Variants in ADGRD1 observed in about 807,000 individuals in gnomAD.
ADGRD1 encodes G-protein coupled receptor 133.
In ADGRD1, 77 loss-of-function variants were observed where a neutral mutation model predicts 113.4. The ratio of observed to expected loss-of-function variants is 0.68; its 90% confidence interval spans 0.57 to 0.82. The LOEUF is 0.82. Among genes scored for constraint, ADGRD1 ranks in the 40% least tolerant of loss-of-function variants. The probability of loss-of-function intolerance (pLI) is 0.00; values close to 1 mark genes in which losing one functional copy is unlikely to be tolerated. For synonymous variants in ADGRD1, 474 were observed against 475.0 expected (o/e 1.00, Z 0.03); for missense variants, 1,036 against 1,139.1 (o/e 0.91, Z 1.30).
intron 13 of ADGRD1, chr12:131,030,669 C>T (rs1173568952): frequency 6.6e-6 from 1 of 152,286 alleles, no homozygotes; most frequent in Non-Finnish European, 1.5e-5. Flanking sequence ...GAATAGTAGC[C>T]TGCCCACCTC....
At chr12:131,051,361 A>T (rs1273371944) in intron 13 of ADGRD1, among the ~76,000 whole-genome samples, 1 of 152,226 alleles carries the variant, frequency 6.6e-6, no homozygotes, top group Non-Finnish European at 1.5e-5. Flanking sequence ...TTGTATTCAA[A>T]TGGTAATTTT....
intron 13 of ADGRD1, among the ~76,000 whole-genome samples, chr12:131,028,946 C>G (rs759208381): frequency 5.3e-5 from 8 of 152,320 alleles, no homozygotes; most frequent in South Asian, 2.1e-4. Context: ...TCAGAAAGGT[C>G]GTAACCATTT....
rs954427938 is a variant in ADGRD1 at position 131,057,495 on chromosome 12, A to G, written c.1474-19306A>G. On this transcript the variant is annotated intron_variant, in intron 13 of 24. Coordinates refer to ENST00000261654, the MANE Select transcript of ADGRD1 (RefSeq NM_198827.5). The surrounding 1 kb of genome is among the most constrained non-coding windows in gnomAD (Gnocchi z 4.2). ...ACGAGTCTGAGACAAAGGCGTTGGC[A>G]GAGCTAGTTCGTTCTGGAGGCTCAG... 6.6e-6 allele frequency among the ~76,000 whole-genome samples: 1 copy of G among 152,124 alleles called. No individual in the cohort carries two copies. Among genetic ancestry groups the G allele is most frequent in the Non-Finnish European group, 1.5e-5 (1 of 68,036 alleles).
chr12:131,029,542 T>TAA lies in ADGRD1; in HGVS notation c.1473+15202_1473+15203insAA, dbSNP rs1238130835. ...TGGGATTAGGTTGTGGACCCCTCGT[T>TAA]CGGTGACATTCCCAGGCTCTGGGGT... On this transcript the variant is annotated intron_variant, in intron 13 of 24. Transcript: ENST00000261654. Among the ~76,000 whole-genome samples, 11 of 141,680 alleles carry TAA rather than the reference T, an allele frequency of 7.8e-5. No homozygotes were observed. The East Asian group carries it at 2.2e-3, about 28-fold the overall frequency. 92.9% of individuals were successfully genotyped at this position (141,680 alleles called of 152,430 possible). A position where few individuals can be genotyped will look rare whatever the true frequency, so the allele number is the denominator to read the frequency against.
chr12:131,034,190 C>T (rs552997827), intron 13 of ADGRD1, among the ~76,000 whole-genome samples: 2 of 152,354 alleles, frequency 1.3e-5, no homozygotes, highest in Admixed American at 6.5e-5. Context: ...TTCCCCTGCC[C>T]ACCCTGCCGC....
At chr12:130,992,120 CAAAAA>C (rs5801945) in intron 7 of ADGRD1, 112 bp from the exon 8 acceptor site, 459 of 655,830 alleles carry the variant, frequency 7.0e-4, no homozygotes, top group South Asian at 9.6e-4. Flanking sequence ...GACTCAGTCT[CAAAAA>C]AAAAAAAAAA....
Position 131,089,307 on chromosome 12 carries a change from TG to T in ADGRD1, c.1671+4647del, listed in dbSNP as rs1424069736. ...AAAAGGAGCCCGAACCAAGGGCCAG[TG>T]GGCGGGGCTTCTGGACACAGGCATT... is the stretch of plus-strand genomic sequence containing the variant. On this transcript the variant is annotated intron_variant, in intron 15 of 24. Coordinates refer to ENST00000261654, the MANE Select transcript of ADGRD1 (RefSeq NM_198827.5). Among the ~76,000 whole-genome samples, 35 of 152,308 alleles carry T rather than the reference TG, an allele frequency of 2.3e-4. 1 individual carries two copies. The East Asian group carries it at 5.6e-3, about 24-fold the overall frequency.
intron 13 of ADGRD1, among the ~76,000 whole-genome samples, chr12:131,034,807 T>C (rs960087447): frequency 9.9e-5 from 15 of 152,110 alleles, no homozygotes; most frequent in African/African-American, 3.4e-4. Context: ...CCTGGTCACG[T>C]CACCTTGGAA....
intron 13 of ADGRD1, among the ~76,000 whole-genome samples, chr12:131,036,175 C>T (rs1881346850): frequency 6.6e-6 from 1 of 152,110 alleles, no homozygotes; most frequent in East Asian, 1.9e-4. Flanking sequence ...GTTGTACTCA[C>T]TGGAGGGGGT....
chr12:131,055,734 A>G (rs1883810492), intron 13 of ADGRD1, among the ~76,000 whole-genome samples: 1 of 152,226 alleles, frequency 6.6e-6, no homozygotes, highest in Non-Finnish European at 1.5e-5. Context: ...GACGAACAGA[A>G]ATATGAACGA....
At chr12:131,132,215 G>T (rs973601173) in intron 21 of ADGRD1, among the ~76,000 whole-genome samples, 1 of 152,130 alleles carries the variant, frequency 6.6e-6, no homozygotes, top group Non-Finnish European at 1.5e-5. Context: ...CCTTCCTCAC[G>T]TGCAGAACGG....
intron 13 of ADGRD1, chr12:131,070,700 C>T (rs1477656482): frequency 7.0e-6 from 3 of 427,052 alleles, no homozygotes; most frequent in African/African-American, 2.0e-5. Flanking sequence ...GAGATGAGGG[C>T]GTGTCCATCA....
At chr12:131,102,678 G>T (rs1342793489) in intron 15 of ADGRD1, among the ~76,000 whole-genome samples, 1 of 152,194 alleles carries the variant, frequency 6.6e-6, no homozygotes, top group Non-Finnish European at 1.5e-5. Context: ...AGCCAAGATG[G>T]AGGCACACAC....
chr12:130,999,090 C>T (rs1875998964), intron 8 of ADGRD1, among the ~76,000 whole-genome samples: 1 of 152,184 alleles, frequency 6.6e-6, no homozygotes, highest in African/African-American at 2.4e-5. Flanking sequence ...GTGCTTGCTG[C>T]TAGAAAATTT....
In ADGRD1 at chr12:131,084,763, T is replaced by G; in HGVS notation, c.1671+100T>G. ...TTTGCCCGCCAGTGCCCACGGGCCC[T>G]GGGCACATTACTCCATGGGGCCTGT... On this transcript the variant is annotated intron_variant, in intron 15 of 24. Coordinates refer to ENST00000261654, the MANE Select transcript of ADGRD1 (RefSeq NM_198827.5). The surrounding 1 kb of genome is among the most constrained non-coding windows in gnomAD (Gnocchi z 4.5). The G allele has an allele frequency of 7.9e-7, 1 of 1,265,708 alleles. No individual in the cohort carries two copies. The highest frequency in any genetic ancestry group is 1.1e-6 in the Non-Finnish European group (1 of 894,066). 78.4% of individuals were successfully genotyped at this position (1,265,708 alleles called of 1,614,324 possible). A position where few individuals can be genotyped will look rare whatever the true frequency, so the allele number is the denominator to read the frequency against.
intron 13 of ADGRD1, among the ~76,000 whole-genome samples, chr12:131,048,130 G>C (rs1229103553): frequency 6.6e-6 from 1 of 152,256 alleles, no homozygotes; most frequent in Non-Finnish European, 1.5e-5. Context: ...GCAGATGCTT[G>C]TCGGTCACAG....
chr12:131,121,409 G>A (rs1182784547), intron 20 of ADGRD1, among the ~76,000 whole-genome samples: 1 of 152,040 alleles, frequency 6.6e-6, no homozygotes, highest in African/African-American at 2.4e-5. Flanking sequence ...TTTTTGAGAC[G>A]GAGTCTCACT....
chr12:131,110,356 CTTT>C lies in ADGRD1; in HGVS notation c.2041+1488_2041+1490del, dbSNP rs33940390. Among the ~76,000 whole-genome samples the C allele has an allele frequency of 2.1e-4, 31 of 149,044 alleles. No homozygotes were observed. In the East Asian group the frequency reaches 3.1e-3, roughly 15 times the overall value. ...TTAATTCTCTTAATGATTTTTTTCA[CTTT>C]TTTTTTTTGGTTATTTTCTTAGCGA... On this transcript the variant is annotated intron_variant, in intron 18 of 24. Transcript: ENST00000261654.
At chr12:131,039,843 C>T (rs1229968142) in intron 13 of ADGRD1, among the ~76,000 whole-genome samples, 2 of 152,224 alleles carry the variant, frequency 1.3e-5, no homozygotes, top group Non-Finnish European at 2.9e-5. Flanking sequence ...CTGGGAGATG[C>T]CACATAAAAA....
Sources: gnomAD v4.1 joint callset for allele counts (sites outside exome capture counted in the v4.1 genomes callset) on GRCh38, gnomAD v4.1.1 for gene constraint, Gnocchi (gnomAD v3.1) non-coding constraint, MANE v1.5 for transcripts, NCBI Gene and HGNC (gene_info 2026-07-23, HGNC 2026-07-21) for gene names.